The following HIVEP3 variants were observed in gnomAD, a reference collection of about 807,000 sequenced individuals.
HIVEP3 encodes transcription factor HIVEP3.
A neutral mutation model predicts 152.8 loss-of-function variants in HIVEP3; 49 were observed. The ratio of observed to expected loss-of-function variants is 0.32; its 90% CI spans 0.26 to 0.41. The LOEUF (loss-of-function observed/expected upper bound fraction) is 0.41. HIVEP3 is among the 10% of genes least tolerant of loss of function. The probability of loss-of-function intolerance (pLI) is 1.00; values close to 1 mark genes in which losing one functional copy is unlikely to be tolerated. For missense variants in HIVEP3, 2,790 were observed against 3,103.3 expected (o/e 0.90, Z 2.40); for synonymous variants, 1,269 against 1,289.0 (o/e 0.98, Z 0.33).
At chr1:41,728,643 G>A (rs890073058) in intron 1 of HIVEP3, among the ~76,000 whole-genome samples, 1 of 152,154 alleles carries the variant, frequency 6.6e-6, no homozygotes, top group African/African-American at 2.4e-5. Flanking sequence ...GAAGTGATAC[G>A]GGCATGCCAC....
At chr1:41,929,192 A>G (rs1325496723) in intron 1 of HIVEP3, among the ~76,000 whole-genome samples, 2 of 152,154 alleles carry the variant, frequency 1.3e-5, no homozygotes, top group African/African-American at 4.8e-5. Context: ...ATTCACTGGA[A>G]TTCTTCTGGT....
chr1:41,912,228 T>A (rs529812481), intron 1 of HIVEP3, among the ~76,000 whole-genome samples: 1 of 152,194 alleles, frequency 6.6e-6, no homozygotes, highest in African/African-American at 2.4e-5. Context: ...ACAGGGGATG[T>A]CAAAGGTTCA....
At position 41,581,696 on chromosome 1, in the gene HIVEP3, C is replaced by T; in HGVS notation, c.3102G>A (p.Arg1034=). Reference sequence around the variant, plus strand: ...ATTTTCTTCTCTCTGGCGGGGCCACCCGCGCTGGTGGAGCCACTGGGGCTG... The same window carrying T: ...ATTTTCTTCTCTCTGGCGGGGCCACTCGCGCTGGTGGAGCCACTGGGGCTG... ...SAPAPVAPPA[R]VAPPERRKCF... Residue 1034 remains arginine (R), a synonymous_variant, in exon 4 of 9, where the codon CGG becomes CGA. Transcript: ENST00000372583. This position sits in a 1 kb window ranked among gnomAD's most constrained non-coding sequence, Gnocchi z 4.5. 6.2e-7 allele frequency: 1 copy of T among 1,613,700 alleles called. No individual in the cohort carries two copies. The highest frequency in any genetic ancestry group is 8.5e-7 in the Non-Finnish European group (1 of 1,179,824).
intron 1 of HIVEP3, among the ~76,000 whole-genome samples, chr1:41,773,221 A>G (rs894359255): frequency 1.3e-5 from 2 of 152,200 alleles, no homozygotes; most frequent in African/African-American, 4.8e-5. Context: ...ACAGGTAGAG[A>G]AACTGGAGCA....
rs1284205764 is a variant in HIVEP3, at chr1:41,510,465, G to T, written c.7207C>A (p.Pro2403Thr). Residue 2403 changes from proline to threonine, a missense_variant, in exon 9 of 9, where the codon CCC becomes ACC. This residue lies in a region of HIVEP3 where 816 missense variants were observed against 806.5 expected (regional missense o/e 1.01). Coordinates refer to ENST00000372583, the MANE Select transcript of HIVEP3 (RefSeq NM_024503.5). ...TTGGAGAGAGGCTAAGCGTTGGGGG[G>T]AACCCTGTCCTCAGGCTGATGTGGA... ...AHPHQPEDRV[P>T]PNA 1.3e-6 allele frequency: 2 copies of T among 1,504,740 alleles called. No homozygotes were observed. The highest frequency in any genetic ancestry group is 1.8e-6 in the Non-Finnish European group (2 of 1,124,372). The allele number at this position is 1,504,740 out of a possible 1,614,324, so 93.2% of individuals were successfully genotyped here. A position where few individuals can be genotyped will look rare whatever the true frequency, so the allele number is the denominator to read the frequency against.
intron 2 of HIVEP3, among the ~76,000 whole-genome samples, chr1:41,638,385 GAAAGAAAGA>G (rs976735270): frequency 2.9e-5 from 4 of 138,638 alleles, no homozygotes; most frequent in African/African-American, 1.1e-4. Flanking sequence ...GAGAGAGAGA[GAAAGAAAGA>G]AAAGAAAGAA....
Position 41,834,413 on chromosome 1 carries a change from C to T in HIVEP3, c.-801+84000G>A, listed in dbSNP as rs1053475805. On this transcript the variant is annotated intron_variant, in intron 1 of 8. Coordinates refer to ENST00000372583, the MANE Select transcript of HIVEP3 (RefSeq NM_024503.5). ...CTTACCTTATGAAATACAGGGGTCA[C>T]AGTTCAGTTTTCTTAACATCTAGTA... Among the ~76,000 whole-genome samples the T allele has an allele frequency of 7.2e-5, 11 of 152,314 alleles. No individual in the cohort carries two copies. In the South Asian group the frequency reaches 2.3e-3, roughly 32 times the overall value.
chr1:41,954,288 G>A (rs1162547127), intron 1 of HIVEP3, among the ~76,000 whole-genome samples: 2 of 152,190 alleles, frequency 1.3e-5, no homozygotes, highest in Non-Finnish European at 2.9e-5. Context: ...CTGTTCCAGA[G>A]TCAGTGATAA....
At chr1:41,904,912 G>A (rs1244668644) in intron 1 of HIVEP3, among the ~76,000 whole-genome samples, 4 of 152,164 alleles carry the variant, frequency 2.6e-5, no homozygotes, top group Admixed American at 6.5e-5. Context: ...TTGCAGAAGC[G>A]GGATGAGCAT....
Position 41,888,202 on chromosome 1 carries a change from A to ATT in HIVEP3, c.-801+30209_-801+30210dup, listed in dbSNP as rs61561436. On this transcript the variant is annotated intron_variant, in intron 1 of 8. Transcript: ENST00000372583. ...AGGCACCCACCACCACGCCCGGCTA[A>ATT]TTTTTTTTTTTTTTTTTTTTTTTGT... Among the ~76,000 whole-genome samples the ATT allele has an allele frequency of 4.2e-4, 42 of 99,192 alleles. 1 individual carries two copies. The highest frequency in any genetic ancestry group is 5.5e-4 in the East Asian group (2 of 3,634). The allele number at this position is 99,192 out of a possible 152,430, so 65.1% of individuals were successfully genotyped here.
intron 2 of HIVEP3, among the ~76,000 whole-genome samples, chr1:41,653,475 C>A (rs1379666147): frequency 6.6e-6 from 1 of 152,184 alleles, no homozygotes; most frequent in Admixed American, 6.5e-5. Flanking sequence ...CTCCCTGTAA[C>A]ACATCTTTAC....
intron 1 of HIVEP3, among the ~76,000 whole-genome samples, chr1:42,004,648 C>T (rs913787782): frequency 6.6e-6 from 1 of 152,326 alleles, no homozygotes; most frequent in South Asian, 2.1e-4. Flanking sequence ...GTTGTCAATA[C>T]ATTATACCTA....
chr1:42,001,946 T>C (rs989963299), intron 1 of HIVEP3, among the ~76,000 whole-genome samples: 13 of 151,968 alleles, frequency 8.6e-5, no homozygotes, highest in African/African-American at 2.7e-4. Flanking sequence ...CATTCCAGCA[T>C]ATGTCCTGCA....
intron 1 of HIVEP3, among the ~76,000 whole-genome samples, chr1:41,701,219 T>G (rs963892365): frequency 6.6e-6 from 1 of 152,188 alleles, no homozygotes; most frequent in African/African-American, 2.4e-5. Flanking sequence ...ACAAGTTGTC[T>G]GCCCTGAGGA....
At chr1:41,921,993 G>C (rs1170913647), upstream of HIVEP3, among the ~76,000 whole-genome samples, 2 of 152,166 alleles carry the variant, frequency 1.3e-5, no homozygotes, top group Middle Eastern at 3.4e-3. Flanking sequence ...AGATATAACA[G>C]AGAGATCCAG....
At chr1:41,551,392 T>C (rs1011100824) in intron 5 of HIVEP3, among the ~76,000 whole-genome samples, 3 of 152,178 alleles carry the variant, frequency 2.0e-5, no homozygotes, top group Non-Finnish European at 4.4e-5. Context: ...GTTGGTCTCA[T>C]AGAATGAGTT....
intron 1 of HIVEP3, among the ~76,000 whole-genome samples, chr1:41,960,846 C>G (rs1238081123): frequency 6.6e-6 from 1 of 152,160 alleles, no homozygotes; most frequent in Non-Finnish European, 1.5e-5. Flanking sequence ...GCAGAAAATA[C>G]TTCCCTGCCC....
At chr1:41,939,595 G>A (rs1645035903) in intron 1 of HIVEP3, among the ~76,000 whole-genome samples, 1 of 152,122 alleles carries the variant, frequency 6.6e-6, no homozygotes, top group African/African-American at 2.4e-5. Flanking sequence ...CCACGATTCT[G>A]TCTCCTTCTT....
At chr1:42,002,110 TA>T (rs1348851550) in intron 1 of HIVEP3, among the ~76,000 whole-genome samples, 15 of 152,040 alleles carry the variant, frequency 9.9e-5, no homozygotes, top group Admixed American at 3.3e-4. Flanking sequence ...AATAAAATAA[TA>T]AAATAAAATA....
Sources: gnomAD v4.1 joint callset for allele counts (sites outside exome capture counted in the v4.1 genomes callset) on GRCh38, gnomAD v4.1.1 for gene constraint, gnomAD v4.1.1 regional missense constraint, Gnocchi (gnomAD v3.1) non-coding constraint, MANE v1.5 for transcripts, NCBI Gene and HGNC (gene_info 2026-07-23, HGNC 2026-07-21) for gene names.